Variants in KCNT2 observed in about 807,000 individuals in gnomAD.
The protein encoded by KCNT2 is potassium sodium-activated channel subfamily T member 2.
Under a neutral mutation model 153.8 loss-of-function variants are expected in KCNT2, and 67 were observed. The observed-to-expected ratio is 0.44, with a 90% CI of 0.36 to 0.53. The LOEUF (loss-of-function observed/expected upper bound fraction) is 0.53. KCNT2 is among the 20% of genes least tolerant of loss of function. The probability of loss-of-function intolerance (pLI) is 0.00; values close to 1 mark genes in which losing one functional copy is unlikely to be tolerated. For missense variants in KCNT2, 975 were observed against 1,354.8 expected, an observed-to-expected ratio of 0.72 and a Z score of 4.40; for synonymous variants, 500 against 458.8, an observed-to-expected ratio of 1.09 and a Z score of -1.15.
intron 16 of KCNT2, among the ~76,000 whole-genome samples, chr1:196,336,707 T>TTG: frequency 6.6e-6 from 1 of 152,188 alleles, no homozygotes; most frequent in Admixed American, 6.6e-5. Flanking sequence ...TGAACAATGA[T>TTG]CATTGCATTG....
intron 1 of KCNT2, among the ~76,000 whole-genome samples, chr1:196,564,577 C>T (rs1369035957): frequency 6.6e-6 from 1 of 151,728 alleles, no homozygotes; most frequent in Non-Finnish European, 1.5e-5. Context: ...GTCAAAGGAA[C>T]CACACTATCT....
At chr1:196,504,064 T>G (rs2148774011) in intron 1 of KCNT2, among the ~76,000 whole-genome samples, 1 of 152,290 alleles carries the variant, frequency 6.6e-6, no homozygotes, top group Middle Eastern at 3.4e-3. Context: ...TAATACAAAC[T>G]TACGACAATA....
intron 13 of KCNT2, among the ~76,000 whole-genome samples, chr1:196,382,834 G>A (rs185365279): frequency 1.5e-3 from 229 of 151,958 alleles, no homozygotes; most frequent in African/African-American, 5.2e-3. Context: ...AAAACACAAC[G>A]TTAAGGGCCG....
intron 22 of KCNT2, among the ~76,000 whole-genome samples, chr1:196,290,559 T>C (rs929257795): frequency 1.3e-5 from 2 of 151,574 alleles, no homozygotes; most frequent in Non-Finnish European, 2.9e-5. Context: ...TGTGTATATG[T>C]ATAGGTGTAT....
intron 1 of KCNT2, among the ~76,000 whole-genome samples, chr1:196,568,347 A>C (rs1390409019): frequency 6.6e-6 from 1 of 152,044 alleles, no homozygotes; most frequent in Non-Finnish European, 1.5e-5. Flanking sequence ...TAATCCCAGC[A>C]CTTTGGGAGG....
intron 3 of KCNT2, among the ~76,000 whole-genome samples, chr1:196,486,851 G>A (rs1017513882): frequency 1.3e-5 from 2 of 151,338 alleles, no homozygotes; most frequent in Non-Finnish European, 3.0e-5. Flanking sequence ...ATTTCAAGAC[G>A]AACATAAAAT....
At chr1:196,444,840 T>G (rs1675550851) in intron 8 of KCNT2, among the ~76,000 whole-genome samples, 1 of 151,352 alleles carries the variant, frequency 6.6e-6, no homozygotes, top group African/African-American at 2.4e-5. Flanking sequence ...TGGTTCCTAC[T>G]GCCCCAAGCA....
intron 24 of KCNT2, among the ~76,000 whole-genome samples, chr1:196,281,533 A>T (rs1264064391): frequency 6.6e-6 from 1 of 152,182 alleles, no homozygotes; most frequent in Non-Finnish European, 1.5e-5. Flanking sequence ...GAGAAAGATG[A>T]ATAGTAGAAT....
At chr1:196,228,633 C>A (rs1653680079) in intron 27 of KCNT2, among the ~76,000 whole-genome samples, 1 of 151,988 alleles carries the variant, frequency 6.6e-6, no homozygotes, top group Non-Finnish European at 1.5e-5. Context: ...CATTATTTTT[C>A]AATTATAATC....
At chr1:196,270,476 A>T (rs1657962182) in intron 25 of KCNT2, among the ~76,000 whole-genome samples, 1 of 152,068 alleles carries the variant, frequency 6.6e-6, no homozygotes, top group South Asian at 2.1e-4. Context: ...TATATTTGTA[A>T]AGAATATTGC....
intron 1 of KCNT2, among the ~76,000 whole-genome samples, chr1:196,512,349 C>G (rs1440501961): frequency 6.6e-6 from 1 of 152,120 alleles, no homozygotes; most frequent in African/African-American, 2.4e-5. Context: ...CCAGCTCAAT[C>G]CATTTCCCCA....
chr1:196,582,627 C>G (rs1662203236), intron 1 of KCNT2: 1 of 154,196 alleles, frequency 6.5e-6, no homozygotes, highest in Non-Finnish European at 1.5e-5. Flanking sequence ...TGGCCACTAC[C>G]TTAGTGCCTC....
intron 12 of KCNT2, among the ~76,000 whole-genome samples, chr1:196,399,186 A>G (rs1050423360): frequency 3.3e-5 from 5 of 151,594 alleles, no homozygotes; most frequent in African/African-American, 1.2e-4. Context: ...CATCAAAAAA[A>G]GTTTTTAAAA....
chr1:196,511,838 T>G (rs1305533940), intron 1 of KCNT2, among the ~76,000 whole-genome samples: 1 of 152,170 alleles, frequency 6.6e-6, no homozygotes, highest in Admixed American at 6.5e-5. Flanking sequence ...TAATCACCTC[T>G]TTTAAGACCC....
chr1:196,343,770 T>G (rs572246381), intron 14 of KCNT2, among the ~76,000 whole-genome samples: 1 of 152,114 alleles, frequency 6.6e-6, no homozygotes, highest in South Asian at 2.1e-4. Flanking sequence ...TTTTGTTTTG[T>G]TTTTATTTTT....
intron 14 of KCNT2, among the ~76,000 whole-genome samples, chr1:196,359,372 A>G (rs1667435462): frequency 6.6e-6 from 1 of 152,036 alleles, no homozygotes; most frequent in East Asian, 1.9e-4. Context: ...CATCAATAAA[A>G]GCTTATAATT....
At chr1:196,581,728 A>T (rs1233520674) in intron 1 of KCNT2, among the ~76,000 whole-genome samples, 1 of 152,130 alleles carries the variant, frequency 6.6e-6, no homozygotes, top group African/African-American at 2.4e-5. Flanking sequence ...CTCAAGCATA[A>T]ATTAACTTCA....
chr1:196,579,562 C>T (rs1045404428), intron 1 of KCNT2, among the ~76,000 whole-genome samples: 24 of 151,930 alleles, frequency 1.6e-4, no homozygotes, highest in African/African-American at 5.8e-4. Flanking sequence ...GACACGATCT[C>T]GGCTCACTGC....
rs151302622 is a variant in KCNT2, at chr1:196,463,581, G to A, written c.638+1712C>T. On this transcript the variant is annotated intron_variant, in intron 8 of 27. Transcript: ENST00000294725. The stretch of plus-strand genomic sequence containing the variant: ...AGATAACATCTCAAAACCACTACTC[G>A]GTTATTTAAAACTAAAACACACACA... Among the ~76,000 whole-genome samples the A allele has an allele frequency of 3.5e-3, 530 of 151,194 alleles. 5 individuals are homozygous for A. The highest frequency in any genetic ancestry group is 0.012 in the African/African-American group (493 of 41,296).
Sources: gnomAD v4.1 joint callset for allele counts (sites outside exome capture counted in the v4.1 genomes callset) on GRCh38, gnomAD v4.1.1 for gene constraint, MANE v1.5 for transcripts, NCBI Gene and HGNC (gene_info 2026-07-23, HGNC 2026-07-21) for gene names.